FBN3: variants seen among roughly 807,000 people sequenced by gnomAD.
FBN3 encodes fibrillin-3.
A neutral mutation model predicts 330.1 loss-of-function variants in FBN3; 234 were observed. The observed-to-expected ratio is 0.71, with a 90% CI of 0.64 to 0.79. The LOEUF (loss-of-function observed/expected upper bound fraction) is 0.79. Ranked by LOEUF, FBN3 falls within the 30% of genes least tolerant of loss-of-function variation. The probability of loss-of-function intolerance (pLI) is 0.00; values close to 1 mark genes in which losing one functional copy is unlikely to be tolerated. For missense variants in FBN3, 3,606 were observed against 3,886.9 expected (o/e 0.93, Z 1.92); for synonymous variants, 1,458 against 1,517.3 (o/e 0.96, Z 0.91).
At position 8,149,389 on chromosome 19, in the gene FBN3, C is replaced by T. The variant is rs1038841961; in HGVS notation, c.-18+60G>A. On this transcript the variant is annotated intron_variant, in intron 1 of 63. Transcript: ENST00000600128. This position sits in a 1 kb window ranked among gnomAD's most constrained non-coding sequence, Gnocchi z 5.5. ...CCCCTGCCGGCCCCCCCGCCCCCGC[C>T]TTCTCCACCCTTCAGCGCCCGCGAT... The T allele has an allele frequency of 1.3e-5, 2 of 151,812 alleles. No homozygotes were observed. Among genetic ancestry groups the T allele is most frequent in the Non-Finnish European group, 2.9e-5 (2 of 67,894 alleles). 9.4% of individuals were successfully genotyped at this position (151,812 alleles called of 1,614,324 possible). A position where few individuals can be genotyped will look rare whatever the true frequency, so the allele number is the denominator to read the frequency against.
rs1314183170 is a variant in FBN3 at position 8,087,868 on chromosome 19, A to T, written c.6576T>A (p.Cys2192Ter). ...CCTCCCGCAGGGTGTAGCCGGCTGG[A>T]CAGGTGCACAGGTAGGAGCCCTCGG... ...HNTEGSYLCT[C>*]PAGYTLREDG... is the part of the protein sequence containing the mutation. Residue 2192 changes from cysteine to a stop codon, truncating the protein, a stop_gained, in exon 53 of 64, where the codon TGT becomes TGA. Transcript: ENST00000600128. LOFTEE classifies it high-confidence loss of function. 6.2e-7 allele frequency: 1 copy of T among 1,614,104 alleles called. No homozygotes were observed. Among genetic ancestry groups the T allele is most frequent in the East Asian group, 2.2e-5 (1 of 44,880 alleles).
chr19:8,139,955 C>T (rs983688799), intron 8 of FBN3, among the ~76,000 whole-genome samples: 5 of 151,846 alleles, frequency 3.3e-5, no homozygotes. Context: ...CCTGGGGGCC[C>T]CCCAGGTACG....
In FBN3 at chr19:8,110,880, C is replaced by G; in HGVS notation, c.4298G>C (p.Gly1433Ala). 1 of 1,614,248 alleles carries G rather than the reference C, an allele frequency of 6.2e-7. No individual in the cohort carries two copies. The highest frequency in any genetic ancestry group is 8.5e-7 in the Non-Finnish European group (1 of 1,180,048). Reference sequence around the variant, plus strand: ...GCCACCCCCTCGGTCCAGTTCGTAGCCACCATTGCAGATGCAGCGGAACAT... The same window carrying G: ...GCCACCCCCTCGGTCCAGTTCGTAGGCACCATTGCAGATGCAGCGGAACAT... ...PGMFRCICNG[G>A]YELDRGGGNC... The change falls in exon 34 of 64, where the codon GGC (glycine) becomes GCC (alanine). Residue 1433 changes from glycine (G) to alanine (A), a missense_variant. By Grantham distance (60) the Gly-to-Ala change is moderately conservative. Coordinates refer to ENST00000600128, the MANE Select transcript of FBN3 (RefSeq NM_032447.5).
At chr19:8,142,253 T>C in intron 6 of FBN3, 116 bp from the exon 7 acceptor site, 1 of 760,126 alleles carries the variant, frequency 1.3e-6, no homozygotes, top group Non-Finnish European at 2.1e-6. Flanking sequence ...TTACTTATGC[T>C]GCTCCCTTAC....
In FBN3 at chr19:8,126,563, C is replaced by T. The variant is rs752223668; in HGVS notation, c.2459G>A (p.Arg820His). ...GTCWLKIQESRCEVNLQGASL... is the reference protein window; with the variant it reads ...GTCWLKIQESHCEVNLQGASL... ...GGCTCCCTGAAGGTTCACCTCACAG[C>T]GGCTCTCCTGGATCTTCAGCCAGCA... Residue 820 changes from arginine (R) to histidine (H), a missense_variant, in exon 20 of 64, where the codon CGC becomes CAC. By Grantham distance (29) the Arg-to-His change is conservative. Transcript: ENST00000600128. 9.3e-5 allele frequency: 150 copies of T among 1,611,718 alleles called. 1 individual carries two copies. The highest frequency in any genetic ancestry group is 1.2e-4 in the Non-Finnish European group (136 of 1,179,982).
chr19:8,125,851 A>G, intron 22 of FBN3, 41 bp downstream of exon 22: 1 of 1,556,816 alleles, frequency 6.4e-7, no homozygotes, highest in Non-Finnish European at 8.6e-7. Flanking sequence ...GGAACAAAGG[A>G]AGAACGTGTG....
Position 8,115,579 on chromosome 19 carries a change from C to T in FBN3, c.3774G>A (p.Lys1258=), listed in dbSNP as rs1481648868. 1 of 1,614,100 alleles carries T rather than the reference C, an allele frequency of 6.2e-7. No individual in the cohort carries two copies. The highest frequency in any genetic ancestry group is 1.1e-5 in the South Asian group (1 of 91,076). The part of the protein sequence containing the change: ...ICLHGDCENT[K]GSFVCHCQLG... ...GCTGACAGTGGCAGACAAAGGAACCCTTCGTGTTCTCGCAGTCCCCATGGA... is the reference window on the plus strand; with the variant it reads ...GCTGACAGTGGCAGACAAAGGAACCTTTCGTGTTCTCGCAGTCCCCATGGA... The change falls in exon 30 of 64, where the codon AAG becomes AAA. Residue 1258 remains lysine (K), a synonymous_variant. Transcript: ENST00000600128.
At chr19:8,139,581 T>C (rs2083365442) in intron 8 of FBN3, among the ~76,000 whole-genome samples, 1 of 151,634 alleles carries the variant, frequency 6.6e-6, no homozygotes, top group Non-Finnish European at 1.5e-5. Context: ...GCTTCAGGCA[T>C]TATGCAGAAG....
chr19:8,093,712 G>C (rs1463054022), intron 47 of FBN3, among the ~76,000 whole-genome samples: 1 of 152,204 alleles, frequency 6.6e-6, no homozygotes, highest in Non-Finnish European at 1.5e-5. Context: ...TCTTGAACCC[G>C]GGAGGTGGCG....
chr19:8,078,178 G>A (rs916350873), intron 59 of FBN3, among the ~76,000 whole-genome samples: 2 of 152,202 alleles, frequency 1.3e-5, no homozygotes, highest in Non-Finnish European at 2.9e-5. Flanking sequence ...GGCCATGTGA[G>A]TTTGCTCTTC....
intron 59 of FBN3, 36 bp from the exon 60 acceptor site, chr19:8,075,447 G>A (rs758216059): frequency 1.4e-5 from 23 of 1,592,396 alleles, no homozygotes; most frequent in Non-Finnish European, 8.6e-7. Flanking sequence ...GTTGCCTGCT[G>A]GTTAAGGAAC....
Position 8,069,178 on chromosome 19 carries a change from C to T in FBN3, c.8088+2870G>A, listed in dbSNP as rs143950780. 2.3e-3 allele frequency among the ~76,000 whole-genome samples: 355 copies of T among 152,292 alleles called. 5 individuals carry two copies. Among genetic ancestry groups the T allele is most frequent in the African/African-American group, 8.2e-3 (340 of 41,560 alleles). ...ACCAGACAGAAGAGCCGCCTGATAG[C>T]TTCCGCTGTGCTTCCTGCATCTGGC... is the stretch of plus-strand genomic sequence containing the variant. On this transcript the variant is annotated intron_variant, in intron 63 of 63. Coordinates refer to ENST00000600128, the MANE Select transcript of FBN3 (RefSeq NM_032447.5).
Position 8,147,189 on chromosome 19 carries a change from T to A in FBN3, c.168-3A>T, listed in dbSNP as rs1262950888. The A allele has an allele frequency of 1.9e-6, 3 of 1,566,010 alleles. No individual in the cohort carries two copies. Among genetic ancestry groups the A allele is most frequent in the Non-Finnish European group, 2.6e-6 (3 of 1,155,952 alleles). On this transcript the variant is annotated splice_region_variant and splice_polypyrimidine_tract_variant and intron_variant, in intron 2 of 63. Transcript: ENST00000600128. ...ACCGGGAGCCGCACACATTCGGCCTTCGGGGACAGCGAGATGGGTCTGGTG... is the reference window on the plus strand; with the variant it reads ...ACCGGGAGCCGCACACATTCGGCCTACGGGGACAGCGAGATGGGTCTGGTG...
Position 8,068,040 on chromosome 19 carries a change from G to A in FBN3, c.8089-1780C>T, listed in dbSNP as rs904391939. 5.3e-5 allele frequency among the ~76,000 whole-genome samples: 8 copies of A among 152,122 alleles called. No homozygotes were observed. The East Asian group carries it at 1.5e-3, about 29-fold the overall frequency. Reference sequence around the variant, plus strand: ...ATTGCACTGCTGCATTCTAGCCTGGGTGACAGAGTGAGACCCTGCTCCCCA... The same window carrying A: ...ATTGCACTGCTGCATTCTAGCCTGGATGACAGAGTGAGACCCTGCTCCCCA... On this transcript the variant is annotated intron_variant, in intron 63 of 63. Transcript: ENST00000600128.
At chr19:8,124,343 A>T (rs1445238763) in intron 22 of FBN3, among the ~76,000 whole-genome samples, 2 of 152,072 alleles carry the variant, frequency 1.3e-5, no homozygotes, top group Non-Finnish European at 2.9e-5. Flanking sequence ...TCCCAGGTTC[A>T]AGCAATTCTC....
At chr19:8,074,319 C>A (rs2081590209) in intron 61 of FBN3, among the ~76,000 whole-genome samples, 1 of 151,876 alleles carries the variant, frequency 6.6e-6, no homozygotes, top group African/African-American at 2.4e-5. Flanking sequence ...GTGGGAAGCC[C>A]AAGAAGAACT....
At chr19:8,115,711 G>T in intron 29 of FBN3, 71 bp from the exon 30 acceptor site, 1 of 1,550,340 alleles carries the variant, frequency 6.5e-7, no homozygotes, top group Non-Finnish European at 8.9e-7. Context: ...AGGTGAGGGT[G>T]GGAGGGAGAT....
intron 62 of FBN3, 39 bp from the exon 63 acceptor site, chr19:8,072,237 G>A (rs531073968): frequency 6.0e-5 from 90 of 1,494,068 alleles, no homozygotes; most frequent in East Asian, 7.2e-5. Flanking sequence ...TTTCAGAGGC[G>A]GGCTGATGGG....
At chr19:8,094,329 C>A in intron 47 of FBN3, 117 bp downstream of exon 47, 1 of 1,094,240 alleles carries the variant, frequency 9.1e-7, no homozygotes, top group South Asian at 1.7e-5. Flanking sequence ...CTGTGTTTGA[C>A]GCTGCGTTAA....
Sources: allele counts gnomAD v4.1 joint callset (sites outside exome capture counted in the v4.1 genomes callset), GRCh38; gene constraint gnomAD v4.1.1; non-coding constraint Gnocchi (gnomAD v3.1); transcripts MANE v1.5; gene names NCBI Gene and HGNC (gene_info 2026-07-23, HGNC 2026-07-21).